AHCYL2: variants seen among roughly 807,000 people sequenced by gnomAD.
The protein encoded by AHCYL2 is adenosylhomocysteinase like 2, also known as S-adenosylhomocysteine hydrolase-like protein 2.
Under a neutral mutation model 81.4 loss-of-function variants are expected in AHCYL2, and 28 were observed. That is an observed-to-expected ratio of 0.34 (90% confidence interval 0.25 to 0.47). AHCYL2 has a LOEUF of 0.47. AHCYL2 is among the 20% of genes least tolerant of loss of function. The pLI is 1.00. For missense variants in AHCYL2, 551 were observed against 785.1 expected, an observed-to-expected ratio of 0.70 and a Z score of 3.56; for synonymous variants, 272 against 290.2, an observed-to-expected ratio of 0.94 and a Z score of 0.64.
intron 1 of AHCYL2, among the ~76,000 whole-genome samples, chr7:129,354,555 G>A (rs906619353): frequency 3.3e-5 from 5 of 152,176 alleles, no homozygotes; most frequent in Non-Finnish European, 5.9e-5. Context: ...GCGTAGGCAT[G>A]ACCATTTGGT....
At chr7:129,381,946 GTTTT>G (rs966840803) in intron 2 of AHCYL2, among the ~76,000 whole-genome samples, 11 of 152,050 alleles carry the variant, frequency 7.2e-5, no homozygotes, top group African/African-American at 2.7e-4. Context: ...ACCTTGTTTT[GTTTT>G]TTGTTTCTTT....
intron 13 of AHCYL2, 28 bp from the exon 14 acceptor site, chr7:129,424,846 C>A (rs770329956): frequency 7.4e-6 from 12 of 1,611,616 alleles, no homozygotes; most frequent in Non-Finnish European, 1.0e-5. Context: ...TGTCCTAATC[C>A]ATTTGTGTCT....
chr7:129,307,802 A>G (rs886199580), intron 1 of AHCYL2, among the ~76,000 whole-genome samples: 4 of 151,674 alleles, frequency 2.6e-5, no homozygotes, highest in Admixed American at 1.3e-4. Flanking sequence ...TTTAGAGCCC[A>G]AGGGCTGTTT....
At chr7:129,375,269 G>T (rs1794624265) in intron 1 of AHCYL2, among the ~76,000 whole-genome samples, 1 of 152,176 alleles carries the variant, frequency 6.6e-6, no homozygotes, top group Non-Finnish European at 1.5e-5. Flanking sequence ...AGTGTCCCCA[G>T]TCTGGCTAAT....
At chr7:129,371,806 G>C (rs1354303153) in intron 1 of AHCYL2, among the ~76,000 whole-genome samples, 5 of 152,182 alleles carry the variant, frequency 3.3e-5, no homozygotes, top group Non-Finnish European at 5.9e-5. Context: ...TATCCAGCCA[G>C]CTTGATGCCC....
At chr7:129,301,379 G>T (rs1797251116) in intron 1 of AHCYL2, among the ~76,000 whole-genome samples, 1 of 152,054 alleles carries the variant, frequency 6.6e-6, no homozygotes, top group South Asian at 2.1e-4. Flanking sequence ...GATCTGATTT[G>T]TCCATTTTTG....
intron 1 of AHCYL2, among the ~76,000 whole-genome samples, chr7:129,257,846 A>G (rs771555310): frequency 2.6e-5 from 4 of 152,200 alleles, no homozygotes; most frequent in Non-Finnish European, 5.9e-5. Context: ...TAACAACAGA[A>G]AGAAAAGGAA....
chr7:129,396,915 A>G (rs558788438), intron 4 of AHCYL2, among the ~76,000 whole-genome samples: 27 of 152,338 alleles, frequency 1.8e-4, no homozygotes, highest in African/African-American at 6.0e-4. Context: ...TTCTAAGCAG[A>G]AGCAGAACTG....
chr7:129,327,850 G>A (rs1045762323), intron 1 of AHCYL2, among the ~76,000 whole-genome samples: 1 of 152,108 alleles, frequency 6.6e-6, no homozygotes, highest in African/African-American at 2.4e-5. Context: ...CTGTAGTGCA[G>A]TGATGTGATC....
At chr7:129,369,402 CTA>C (rs1171242773) in intron 1 of AHCYL2, among the ~76,000 whole-genome samples, 1 of 152,130 alleles carries the variant, frequency 6.6e-6, no homozygotes, top group African/African-American at 2.4e-5. Flanking sequence ...GAAGAAATAA[CTA>C]TTGATAATGA....
intron 1 of AHCYL2, among the ~76,000 whole-genome samples, chr7:129,353,835 T>C (rs1793650166): frequency 6.6e-6 from 1 of 151,466 alleles, no homozygotes; most frequent in South Asian, 2.1e-4. Context: ...AATTCCCACA[T>C]TTGAGGGACC....
At chr7:129,243,883 A>G (rs182910958) in intron 1 of AHCYL2, among the ~76,000 whole-genome samples, 289 of 152,220 alleles carry the variant, frequency 1.9e-3, no homozygotes, top group African/African-American at 6.5e-3. Flanking sequence ...ATGAGCCACC[A>G]TGCCTGGCCT....
chr7:129,257,716 G>C (rs535002893), intron 1 of AHCYL2, among the ~76,000 whole-genome samples: 5 of 152,246 alleles, frequency 3.3e-5, no homozygotes, highest in African/African-American at 1.2e-4. Context: ...AAAGTAATTT[G>C]TTGTCCATAC....
At position 129,419,664 on chromosome 7, in the gene AHCYL2, T is replaced by C. The variant is rs1414620713; in HGVS notation, c.1462-3176T>C. ...TAAGTACATAGGCTTTAAACATTTT[T>C]TCCAGCCGAAGAACGATTTAACCTG... On this transcript the variant is annotated intron_variant, in intron 12 of 16. Transcript: ENST00000325006. This position sits in a 1 kb window ranked among gnomAD's most constrained non-coding sequence, Gnocchi z 4.7. 6.6e-6 allele frequency among the ~76,000 whole-genome samples: 1 copy of C among 152,070 alleles called. No individual in the cohort carries two copies. The highest frequency in any genetic ancestry group is 1.5e-5 in the Non-Finnish European group (1 of 68,020).
In AHCYL2 at chr7:129,426,930, A is replaced by T. The variant is rs1339711795; in HGVS notation, c.1830-109A>T. On this transcript the variant is annotated intron_variant, in intron 16 of 16. Transcript: ENST00000325006. This position sits in a 1 kb window ranked among gnomAD's most constrained non-coding sequence, Gnocchi z 4.3. ...ACACAGTTATTTCCTGTCACTGTAC[A>T]CTCCAGAAAAGTCTCTGCCTCCCTG... 9.3e-7 allele frequency: 1 copy of T among 1,078,748 alleles called. No homozygotes were observed. The highest frequency in any genetic ancestry group is 1.4e-6 in the Non-Finnish European group (1 of 720,118). 66.8% of individuals were successfully genotyped at this position (1,078,748 alleles called of 1,614,324 possible).
chr7:129,303,115 T>A (rs1469634719), intron 1 of AHCYL2, among the ~76,000 whole-genome samples: 1 of 152,110 alleles, frequency 6.6e-6, no homozygotes, highest in African/African-American at 2.4e-5. Context: ...ATTCCCCTGC[T>A]TCAGCCTCCC....
intron 12 of AHCYL2, among the ~76,000 whole-genome samples, chr7:129,422,076 T>G (rs1797142874): frequency 6.6e-6 from 1 of 152,252 alleles, no homozygotes; most frequent in Non-Finnish European, 1.5e-5. Context: ...GGTGTTGTCT[T>G]AAGTCTACAC....
intron 1 of AHCYL2, among the ~76,000 whole-genome samples, chr7:129,250,466 T>A (rs1186001105): frequency 6.6e-6 from 1 of 152,238 alleles, no homozygotes; most frequent in East Asian, 1.9e-4. Flanking sequence ...TTGTACAGGA[T>A]CATGTTATCT....
At chr7:129,358,032 A>G (rs1033579465) in intron 1 of AHCYL2, among the ~76,000 whole-genome samples, 2 of 152,284 alleles carry the variant, frequency 1.3e-5, no homozygotes, top group South Asian at 4.2e-4. Flanking sequence ...AAACAACACA[A>G]ATGCCTATCG....
Sources: allele counts gnomAD v4.1 joint callset (sites outside exome capture counted in the v4.1 genomes callset), GRCh38; gene constraint gnomAD v4.1.1; non-coding constraint Gnocchi (gnomAD v3.1); transcripts MANE v1.5; gene names NCBI Gene and HGNC (gene_info 2026-07-23, HGNC 2026-07-21).